Variants in CLINT1 observed in about 807,000 individuals in gnomAD.
CLINT1 encodes the protein clathrin interacting protein localized in the trans-Golgi region.
CLINT1 carries 15 observed loss-of-function variants against 70.4 expected under a neutral mutation model. The observed-to-expected ratio is 0.21, with a 90% CI of 0.14 to 0.33. CLINT1 has a LOEUF of 0.33. Ranked by LOEUF, CLINT1 falls within the 10% of genes least tolerant of loss-of-function variation. The pLI is 1.00. For missense variants in CLINT1, 615 were observed against 778.1 expected, an observed-to-expected ratio of 0.79 and a Z score of 2.49; for synonymous variants, 227 against 254.7, an observed-to-expected ratio of 0.89 and a Z score of 1.04.
intron 1 of CLINT1, among the ~76,000 whole-genome samples, chr5:157,818,839 A>AG (rs1762796976): frequency 1.3e-5 from 2 of 152,318 alleles, no homozygotes; most frequent in South Asian, 4.1e-4. Context: ...TTTTGAGAAT[A>AG]AAGACTGCAA....
At chr5:157,857,082 TG>T (rs1363761682) in intron 1 of CLINT1, among the ~76,000 whole-genome samples, 1 of 152,030 alleles carries the variant, frequency 6.6e-6, no homozygotes, top group African/African-American at 2.4e-5. Context: ...GACCTCTGAC[TG>T]AGAAATAAGG....
intron 1 of CLINT1, among the ~76,000 whole-genome samples, chr5:157,837,019 C>T (rs1386590963): frequency 6.6e-6 from 1 of 152,176 alleles, no homozygotes; most frequent in Non-Finnish European, 1.5e-5. Context: ...CCTGTGGCTT[C>T]CTGTTACTTC....
chr5:157,825,054 G>T (rs1762994280), intron 1 of CLINT1, among the ~76,000 whole-genome samples: 1 of 152,050 alleles, frequency 6.6e-6, no homozygotes, highest in Admixed American at 6.6e-5. Flanking sequence ...ACTTTTAAAA[G>T]TAAAGAAAAT....
intron 1 of CLINT1, among the ~76,000 whole-genome samples, chr5:157,852,004 T>A (rs1282645349): frequency 6.6e-6 from 1 of 152,238 alleles, no homozygotes; most frequent in East Asian, 1.9e-4. Context: ...ATACTGTTTG[T>A]CCATTGTCAA....
intron 1 of CLINT1, among the ~76,000 whole-genome samples, chr5:157,858,620 C>A (rs911108709): frequency 6.6e-6 from 1 of 152,214 alleles, no homozygotes; most frequent in African/African-American, 2.4e-5. Context: ...AGTGACCCAG[C>A]GCCAAACAAC....
chr5:157,844,597 T>C (rs1753306337), intron 1 of CLINT1, among the ~76,000 whole-genome samples: 1 of 152,172 alleles, frequency 6.6e-6, no homozygotes. Flanking sequence ...TTACATCCTA[T>C]GCCAGAAATA....
At chr5:157,858,069 A>G (rs995959145) in intron 1 of CLINT1, among the ~76,000 whole-genome samples, 5 of 152,238 alleles carry the variant, frequency 3.3e-5, no homozygotes, top group African/African-American at 1.2e-4. Flanking sequence ...TTAAAAGTTA[A>G]GGTTTTCCTT....
chr5:157,829,407 T>C (rs1030107854), intron 1 of CLINT1, among the ~76,000 whole-genome samples: 7 of 152,182 alleles, frequency 4.6e-5, no homozygotes, highest in Admixed American at 2.0e-4. Flanking sequence ...ATAGGTGCTA[T>C]GTCAAAAAAG....
chr5:157,827,908 T>C (rs1763089720), intron 1 of CLINT1, among the ~76,000 whole-genome samples: 1 of 152,212 alleles, frequency 6.6e-6, no homozygotes, highest in South Asian at 2.1e-4. Flanking sequence ...AGTAATATTG[T>C]ATATTAGTTG....
chr5:157,820,761 G>A (rs1206314747), intron 1 of CLINT1, among the ~76,000 whole-genome samples: 2 of 152,006 alleles, frequency 1.3e-5, no homozygotes, highest in African/African-American at 2.4e-5. Flanking sequence ...ATTATGTCCA[G>A]ATTTGAAAGG....
intron 5 of CLINT1, among the ~76,000 whole-genome samples, chr5:157,812,253 T>C (rs193170160): frequency 1.3e-5 from 2 of 152,172 alleles, no homozygotes; most frequent in South Asian, 2.1e-4. Context: ...TAAACATATA[T>C]GGGTGGGGGG....
At chr5:157,809,458 CTG>C (rs1762479491) in intron 6 of CLINT1, among the ~76,000 whole-genome samples, 168 bp downstream of exon 6, 1 of 147,778 alleles carries the variant, frequency 6.8e-6, no homozygotes, top group African/African-American at 2.5e-5. Context: ...CACAATTTTT[CTG>C]TGAGCTTAAA....
In CLINT1 at chr5:157,845,852, C is replaced by A. The variant is rs190492314; in HGVS notation, c.41+13078G>T. Among the ~76,000 whole-genome samples the A allele has an allele frequency of 9.7e-4, 148 of 152,298 alleles. No individual in the cohort carries two copies. In the South Asian group the frequency reaches 0.013, roughly 13 times the overall value. On this transcript the variant is annotated intron_variant, in intron 1 of 11. Coordinates refer to ENST00000411809, the MANE Select transcript of CLINT1 (RefSeq NM_014666.4). ...TACAGGCGTAAGCCACCATGCCCGG[C>A]CGCATTTTAGTAATTCTTACAATAT...
intron 1 of CLINT1, among the ~76,000 whole-genome samples, chr5:157,849,129 G>C (rs1392555084): frequency 6.6e-6 from 1 of 152,170 alleles, no homozygotes; most frequent in African/African-American, 2.4e-5. Flanking sequence ...TTCTACTTTA[G>C]GTAAAATGCT....
chr5:157,818,467 T>TAA (rs929415179), intron 1 of CLINT1, among the ~76,000 whole-genome samples: 1,688 of 88,146 alleles, frequency 0.019, 24 homozygotes, highest in African/African-American at 0.026. Context: ...ACCTGGTCTC[T>TAA]AAAAAAAAAA....
Position 157,787,378 on chromosome 5 carries a change from G to A in CLINT1, c.*268C>T, listed in dbSNP as rs763882519. The A allele has an allele frequency of 2.1e-6, 1 of 466,820 alleles. No homozygotes were observed. Among genetic ancestry groups the A allele is most frequent in the Non-Finnish European group, 3.8e-6 (1 of 261,620 alleles). The allele number at this position is 466,820 out of a possible 1,614,324, so 28.9% of individuals were successfully genotyped here. On this transcript the variant is annotated 3_prime_UTR_variant, in exon 12 of 12. Transcript: ENST00000411809. ...ATGCTGTTAAATGGACTCTTCAGTT[G>A]ATAAAGGCTTTCAATGGTCTCACCA...
intron 7 of CLINT1, 66 bp from the exon 8 acceptor site, chr5:157,803,785 T>C: frequency 8.8e-7 from 1 of 1,138,728 alleles, no homozygotes; most frequent in Non-Finnish European, 1.2e-6. Flanking sequence ...GCTCTATCCA[T>C]CTCTAATTCT....
At chr5:157,822,583 G>A (rs756755187) in intron 1 of CLINT1, among the ~76,000 whole-genome samples, 4 of 152,328 alleles carry the variant, frequency 2.6e-5, no homozygotes, top group African/African-American at 9.6e-5. Context: ...TATTCAGTTA[G>A]TCAAGGGTCA....
At chr5:157,788,700 C>A (rs1761802241) in intron 11 of CLINT1, among the ~76,000 whole-genome samples, 1 of 151,988 alleles carries the variant, frequency 6.6e-6, no homozygotes, top group African/African-American at 2.4e-5. Context: ...AGGCGCGGTG[C>A]CCCACGCCTG....
Sources: gnomAD v4.1 joint callset for allele counts (sites outside exome capture counted in the v4.1 genomes callset) on GRCh38, gnomAD v4.1.1 for gene constraint, MANE v1.5 for transcripts, NCBI Gene and HGNC (gene_info 2026-07-23, HGNC 2026-07-21) for gene names.